DCDC2: variants seen among roughly 807,000 people sequenced by gnomAD.
DCDC2 encodes the protein doublecortin domain containing 2, also known as doublecortin domain-containing protein 2.
Under a neutral mutation model 50.2 loss-of-function variants are expected in DCDC2, and 40 were observed. That is an observed-to-expected ratio of 0.80 (90% CI 0.62 to 1.04). The LOEUF is 1.04. Among genes scored for constraint, DCDC2 ranks in the 50% least tolerant of loss-of-function variants. The probability of loss-of-function intolerance (pLI) is 0.00; values close to 1 mark genes in which losing one functional copy is unlikely to be tolerated. For missense variants in DCDC2, 570 were observed against 581.9 expected (o/e 0.98, Z 0.21); for synonymous variants, 234 against 210.6 (o/e 1.11, Z -0.96).
At chr6:24,240,927 A>G (rs1762550905) in intron 7 of DCDC2, among the ~76,000 whole-genome samples, 1 of 152,218 alleles carries the variant, frequency 6.6e-6, no homozygotes, top group South Asian at 2.1e-4. Flanking sequence ...CTATTTGTGT[A>G]AAGTCAGAAT....
chr6:24,284,351 T>C (rs1326531997), intron 6 of DCDC2, among the ~76,000 whole-genome samples: 1 of 151,976 alleles, frequency 6.6e-6, no homozygotes, highest in Non-Finnish European at 1.5e-5. Flanking sequence ...CTCACGCCTC[T>C]CATCCCAACA....
chr6:24,339,766 G>T (rs1273530081), intron 2 of DCDC2, among the ~76,000 whole-genome samples: 1 of 152,102 alleles, frequency 6.6e-6, no homozygotes, highest in Non-Finnish European at 1.5e-5. Context: ...AACTAACATT[G>T]TTACAGGTTA....
upstream of DCDC2, among the ~76,000 whole-genome samples, chr6:24,363,029 A>T (rs1760695214): frequency 6.6e-6 from 1 of 152,170 alleles, no homozygotes; most frequent in South Asian, 2.1e-4. Flanking sequence ...TGAGGAGCGG[A>T]ATGCTAAGGA....
chr6:24,319,487 T>G (rs928970413), intron 2 of DCDC2, among the ~76,000 whole-genome samples: 10 of 152,194 alleles, frequency 6.6e-5, no homozygotes, highest in African/African-American at 1.9e-4. Flanking sequence ...TGTTTGTCTT[T>G]TTCTCTGGTC....
chr6:24,274,605 C>CAAAAAAAAAAAAAAAAAAAAAA (rs61569208), intron 7 of DCDC2, among the ~76,000 whole-genome samples: 74 of 82,400 alleles, frequency 9.0e-4, no homozygotes, highest in African/African-American at 2.3e-3. Context: ...GAAACAGAGT[C>CAAAAAAAAAAAAAAAAAAAAAA]AAAAAAAAAA....
At chr6:24,213,206 G>T (rs1490732368) in intron 7 of DCDC2, among the ~76,000 whole-genome samples, 3 of 151,952 alleles carry the variant, frequency 2.0e-5, no homozygotes, top group Non-Finnish European at 4.4e-5. Context: ...AGATTTATGA[G>T]GATGAGTAAG....
intron 7 of DCDC2, among the ~76,000 whole-genome samples, chr6:24,259,405 C>T (rs1762963248): frequency 6.6e-6 from 1 of 152,120 alleles, no homozygotes; most frequent in African/African-American, 2.4e-5. Flanking sequence ...TATTCGCAGT[C>T]ACCATTATGA....
At chr6:24,180,295 T>C (rs192267844) in intron 8 of DCDC2, among the ~76,000 whole-genome samples, 4 of 151,446 alleles carry the variant, frequency 2.6e-5, no homozygotes, top group African/African-American at 9.7e-5. Context: ...TGTTTTTTGG[T>C]TTTTTTTGAG....
intron 7 of DCDC2, among the ~76,000 whole-genome samples, chr6:24,263,255 C>A (rs1178184517): frequency 6.6e-6 from 1 of 152,158 alleles, no homozygotes; most frequent in Non-Finnish European, 1.5e-5. Context: ...CCTAGAAAGC[C>A]TTCTCAAGAA....
In DCDC2 at chr6:24,205,112, C is replaced by A. The variant is rs745691985; in HGVS notation, c.923-10G>T. 5 of 1,614,098 alleles carry A rather than the reference C, an allele frequency of 3.1e-6. No individual in the cohort carries two copies. The highest frequency in any genetic ancestry group is 4.2e-6 in the Non-Finnish European group (5 of 1,179,998). On this transcript the variant is annotated splice_polypyrimidine_tract_variant and intron_variant, in intron 7 of 9. Coordinates refer to ENST00000378454, the MANE Select transcript of DCDC2 (RefSeq NM_016356.5). ...TTGAAAATGCCTTCATCTATTGAGACAAACACACAGTGAAAATCAAAATCC... is the reference window on the plus strand; with the variant it reads ...TTGAAAATGCCTTCATCTATTGAGAAAAACACACAGTGAAAATCAAAATCC...
intron 7 of DCDC2, among the ~76,000 whole-genome samples, chr6:24,220,911 T>TGAGCGAGAGAGCGAGCGAGCGAGCGAGA (rs1459047986): frequency 8.0e-6 from 1 of 125,296 alleles, no homozygotes; most frequent in African/African-American, 2.7e-5. Flanking sequence ...AGCGAGAGAG[T>TGAGCGAGAGAGCGAGCGAGCGAGCGAGA]GAGCGAGCGA....
At chr6:24,313,460 T>A (rs1240979585) in intron 2 of DCDC2, among the ~76,000 whole-genome samples, 2 of 152,200 alleles carry the variant, frequency 1.3e-5, no homozygotes, top group Non-Finnish European at 2.9e-5. Context: ...TACTTAGATT[T>A]CACCATTGCC....
At position 24,178,248 on chromosome 6, in the gene DCDC2, CTTGA is replaced by C. The variant is rs370330889; in HGVS notation, c.1326+78_1326+81del. On this transcript the variant is annotated intron_variant, in intron 9 of 9. Transcript: ENST00000378454. ...GTGGTTTCAATACAAGTCCTAAACA[CTTGA>C]TTAATTCTCTGAATGCACGCATGTA... The C allele has an allele frequency of 1.5e-4, 217 of 1,422,216 alleles. 1 individual carries two copies. The African/African-American group carries it at 2.1e-3, about 14-fold the overall frequency. 88.1% of individuals were successfully genotyped at this position (1,422,216 alleles called of 1,614,324 possible).
chr6:24,357,982 C>T lies in DCDC2; in HGVS notation c.-232G>A. On this transcript the variant is annotated 5_prime_UTR_variant, in exon 1 of 10. Coordinates refer to ENST00000378454, the MANE Select transcript of DCDC2 (RefSeq NM_016356.5). Reference sequence around the variant, plus strand: ...CGCTCAAGTTTTTCACCGTGGCGTGCACAGCCAATCAGGACCCGCAGTGCG... The same window carrying T: ...CGCTCAAGTTTTTCACCGTGGCGTGTACAGCCAATCAGGACCCGCAGTGCG... The T allele has an allele frequency of 4.2e-6, 6 of 1,440,284 alleles. No homozygotes were observed. Among genetic ancestry groups the T allele is most frequent in the Non-Finnish European group, 5.5e-6 (6 of 1,085,048 alleles). The allele number at this position is 1,440,284 out of a possible 1,614,324, so 89.2% of individuals were successfully genotyped here. A position where few individuals can be genotyped will look rare whatever the true frequency, so the allele number is the denominator to read the frequency against.
At chr6:24,231,013 G>A (rs1762327665) in intron 7 of DCDC2, among the ~76,000 whole-genome samples, 1 of 152,070 alleles carries the variant, frequency 6.6e-6, no homozygotes, top group Non-Finnish European at 1.5e-5. Flanking sequence ...AGTCACTACT[G>A]AAGGGCAAAA....
intron 7 of DCDC2, among the ~76,000 whole-genome samples, chr6:24,221,044 C>A (rs1299915143): frequency 6.6e-6 from 1 of 151,912 alleles, no homozygotes; most frequent in Non-Finnish European, 1.5e-5. Context: ...GTGGGGATGA[C>A]AATTTTAGAA....
At chr6:24,187,550 T>C (rs1175550299) in intron 8 of DCDC2, among the ~76,000 whole-genome samples, 1 of 152,222 alleles carries the variant, frequency 6.6e-6, no homozygotes, top group Admixed American at 6.5e-5. Context: ...CATAAATTGC[T>C]ATTGAGTAGA....
At chr6:24,330,848 G>A (rs371444602) in intron 2 of DCDC2, among the ~76,000 whole-genome samples, 26 of 152,280 alleles carry the variant, frequency 1.7e-4, no homozygotes, top group African/African-American at 5.1e-4. Flanking sequence ...GAACCCTTAC[G>A]CAGCAGAGTA....
chr6:24,382,300 T>A, the DCDC2 span, among the ~76,000 whole-genome samples: 1 of 152,150 alleles, frequency 6.6e-6, no homozygotes, highest in African/African-American at 2.4e-5. Flanking sequence ...AGTTACTGCA[T>A]CAAACTAAGT....
Sources: gnomAD v4.1 joint callset for allele counts (sites outside exome capture counted in the v4.1 genomes callset) on GRCh38, gnomAD v4.1.1 for gene constraint, MANE v1.5 for transcripts, NCBI Gene and HGNC (gene_info 2026-07-23, HGNC 2026-07-21) for gene names.